Variants in CDKAL1 observed in about 807,000 individuals in gnomAD.
The protein encoded by CDKAL1 is CDKAL1 threonylcarbamoyladenosine tRNA methylthiotransferase, also known as threonylcarbamoyladenosine tRNA methylthiotransferase.
In CDKAL1, 32 loss-of-function variants were observed where a neutral mutation model predicts 68.2. The ratio of observed to expected loss-of-function variants is 0.47; its 90% CI spans 0.35 to 0.63. CDKAL1 has a LOEUF of 0.63. Among genes scored for constraint, CDKAL1 ranks in the 30% least tolerant of loss-of-function variants. The pLI is 0.00. For synonymous variants in CDKAL1, 234 were observed against 244.3 expected, an observed-to-expected ratio of 0.96 and a Z score of 0.39; for missense variants, 606 against 696.7, an observed-to-expected ratio of 0.87 and a Z score of 1.47.
chr6:20,643,237 C>G (rs1768273387), intron 4 of CDKAL1, among the ~76,000 whole-genome samples: 1 of 152,160 alleles, frequency 6.6e-6, no homozygotes, highest in Non-Finnish European at 1.5e-5. Flanking sequence ...TCCTTCAGTG[C>G]CCTTCTCTAA....
intron 9 of CDKAL1, among the ~76,000 whole-genome samples, chr6:20,945,275 A>T (rs953169274): frequency 6.6e-6 from 1 of 152,192 alleles, no homozygotes; most frequent in Admixed American, 6.5e-5. Flanking sequence ...GGAAATGCTC[A>T]TTGGAGAACT....
chr6:21,187,705 C>T (rs916184179), intron 13 of CDKAL1, among the ~76,000 whole-genome samples: 30 of 152,160 alleles, frequency 2.0e-4, no homozygotes, highest in African/African-American at 7.0e-4. Flanking sequence ...CTGCAGATTA[C>T]TAGATTACAT....
chr6:20,701,575 T>TGTATAAAGGA (rs1485877949), intron 5 of CDKAL1, among the ~76,000 whole-genome samples: 2 of 152,144 alleles, frequency 1.3e-5, no homozygotes, highest in Non-Finnish European at 2.9e-5. Flanking sequence ...AGGATGCTTG[T>TGTATAAAGGA]GGAACCTTTA....
At chr6:20,609,465 G>A (rs1330225687) in intron 4 of CDKAL1, among the ~76,000 whole-genome samples, 1 of 144,888 alleles carries the variant, frequency 6.9e-6, no homozygotes, top group African/African-American at 2.6e-5. Flanking sequence ...GCACAGTCTC[G>A]ACTCACTGCA....
chr6:20,945,969 G>C (rs774994209), intron 9 of CDKAL1, among the ~76,000 whole-genome samples: 2 of 151,972 alleles, frequency 1.3e-5, no homozygotes, highest in South Asian at 4.1e-4. Context: ...CTTATACAAC[G>C]TATCTAGTGA....
intron 5 of CDKAL1, among the ~76,000 whole-genome samples, chr6:20,695,253 T>A (rs1256154218): frequency 6.6e-6 from 1 of 152,188 alleles, no homozygotes; most frequent in Admixed American, 6.5e-5. Flanking sequence ...ACTTTAGCGC[T>A]GATGGGAGTA....
intron 8 of CDKAL1, among the ~76,000 whole-genome samples, chr6:20,815,990 T>G (rs1260064423): frequency 6.6e-6 from 1 of 152,134 alleles, no homozygotes; most frequent in Non-Finnish European, 1.5e-5. Context: ...TCCAGAGCTA[T>G]AGGAGAGAAT....
At chr6:20,604,361 C>T (rs1270566352) in intron 4 of CDKAL1, among the ~76,000 whole-genome samples, 2 of 152,162 alleles carry the variant, frequency 1.3e-5, no homozygotes, top group African/African-American at 4.8e-5. Flanking sequence ...TGATATGGCA[C>T]CATTCACTGA....
chr6:20,644,190 A>C (rs1398474051), intron 4 of CDKAL1, among the ~76,000 whole-genome samples: 1 of 151,298 alleles, frequency 6.6e-6, no homozygotes, highest in Non-Finnish European at 1.5e-5. Flanking sequence ...AGGCTCTTTA[A>C]GACTGTAAAC....
chr6:21,029,093 C>T (rs1044434068), intron 11 of CDKAL1, among the ~76,000 whole-genome samples: 2 of 152,138 alleles, frequency 1.3e-5, no homozygotes, highest in African/African-American at 4.8e-5. Context: ...GTTTCCCAGG[C>T]TGGAATGCAG....
intron 13 of CDKAL1, among the ~76,000 whole-genome samples, chr6:21,193,730 C>T (rs576063254): frequency 5.3e-4 from 81 of 152,330 alleles, no homozygotes; most frequent in East Asian, 2.1e-3. Context: ...TCTGACCTTT[C>T]ATTGTCCATC....
At chr6:20,767,469 T>A (rs185809543) in intron 7 of CDKAL1, among the ~76,000 whole-genome samples, 85 of 152,210 alleles carry the variant, frequency 5.6e-4, no homozygotes, top group African/African-American at 1.9e-3. Flanking sequence ...AATTTTTTTT[T>A]AAAAAAACAA....
intron 10 of CDKAL1, among the ~76,000 whole-genome samples, chr6:20,992,918 A>AAT (rs397696001): frequency 2.0e-5 from 3 of 151,618 alleles, no homozygotes; most frequent in South Asian, 2.1e-4. Context: ...AAAAAAAAAA[A>AAT]GAAATAAATC....
chr6:20,880,883 A>G (rs796996486), intron 9 of CDKAL1, among the ~76,000 whole-genome samples: 43 of 152,326 alleles, frequency 2.8e-4, no homozygotes, highest in African/African-American at 1.0e-3. Flanking sequence ...GAAAATTTAC[A>G]GATGGCTTGA....
chr6:20,587,548 C>T (rs1173598384), intron 4 of CDKAL1, among the ~76,000 whole-genome samples: 6 of 151,530 alleles, frequency 4.0e-5, no homozygotes, highest in Admixed American at 1.3e-4. Flanking sequence ...GCGTGGGCAG[C>T]GTAGTGAGAC....
At chr6:20,829,772 C>G (rs1270808395) in intron 8 of CDKAL1, among the ~76,000 whole-genome samples, 1 of 152,188 alleles carries the variant, frequency 6.6e-6, no homozygotes, top group African/African-American at 2.4e-5. Flanking sequence ...AGATGTGGGT[C>G]TACAAACACT....
intron 10 of CDKAL1, among the ~76,000 whole-genome samples, chr6:20,997,899 A>G (rs550814796): frequency 6.6e-6 from 1 of 152,236 alleles, no homozygotes; most frequent in Admixed American, 6.5e-5. Flanking sequence ...GAAAAAAAAT[A>G]AAAAATTAGA....
intron 13 of CDKAL1, among the ~76,000 whole-genome samples, chr6:21,148,977 A>G (rs1305289739): frequency 1.3e-5 from 2 of 152,218 alleles, no homozygotes; most frequent in African/African-American, 4.8e-5. Flanking sequence ...CATAAGGGAC[A>G]TTAGCTTTAG....
At chr6:20,778,579 C>T (rs1273678277) in intron 7 of CDKAL1, among the ~76,000 whole-genome samples, 3 of 152,118 alleles carry the variant, frequency 2.0e-5, no homozygotes, top group Non-Finnish European at 4.4e-5. Context: ...CCAAGATCTG[C>T]GTTCAGCAAG....
Sources: gnomAD v4.1 joint callset for allele counts (sites outside exome capture counted in the v4.1 genomes callset) on GRCh38, gnomAD v4.1.1 for gene constraint, MANE v1.5 for transcripts, NCBI Gene and HGNC (gene_info 2026-07-23, HGNC 2026-07-21) for gene names.